Variants in PTPDC1 observed in about 807,000 individuals in gnomAD.
PTPDC1 encodes the protein protein tyrosine phosphatase domain-containing protein 1.
In PTPDC1, 53 loss-of-function variants were observed where a neutral mutation model predicts 75.3. The ratio of observed to expected loss-of-function variants is 0.70; its 90% CI spans 0.56 to 0.88. The LOEUF (loss-of-function observed/expected upper bound fraction) is 0.88, where lower values mean the gene tolerates loss of function less well. Among genes scored for constraint, PTPDC1 ranks in the 40% least tolerant of loss-of-function variants. The pLI, the probability that PTPDC1 is intolerant of heterozygous loss-of-function variation, is 0.00. For missense variants in PTPDC1, 925 were observed against 998.6 expected (o/e 0.93, Z 0.99); for synonymous variants, 349 against 366.2 (o/e 0.95, Z 0.54).
intron 1 of PTPDC1, among the ~76,000 whole-genome samples, chr9:94,036,728 C>G (rs938592972): frequency 1.3e-5 from 2 of 152,272 alleles, no homozygotes; most frequent in Middle Eastern, 3.4e-3. Flanking sequence ...TGGCTGGATG[C>G]TGCAGTGCAC....
intron 7 of PTPDC1, 133 bp downstream of exon 7, chr9:94,101,884 CAAGAG>C: frequency 1.8e-6 from 1 of 558,264 alleles, no homozygotes; most frequent in Non-Finnish European, 3.1e-6. Flanking sequence ...ATAGTTTTTC[CAAGAG>C]AAGAGAAGAA....
intron 1 of PTPDC1, among the ~76,000 whole-genome samples, chr9:94,043,696 G>A (rs541419241): frequency 1.3e-5 from 2 of 152,270 alleles, no homozygotes; most frequent in African/African-American, 4.8e-5. Flanking sequence ...ACACCAGCCT[G>A]GGTGACAGAG....
chr9:94,037,609 A>G (rs577067907), intron 1 of PTPDC1, among the ~76,000 whole-genome samples: 6 of 151,882 alleles, frequency 4.0e-5, no homozygotes, highest in Admixed American at 1.3e-4. Context: ...TTTTTTTTCT[A>G]GAACAGGGAC....
At chr9:94,078,351 A>G (rs1036931912) in intron 2 of PTPDC1, among the ~76,000 whole-genome samples, 5 of 152,182 alleles carry the variant, frequency 3.3e-5, no homozygotes, top group Non-Finnish European at 7.3e-5. Context: ...TCTGGTCTCC[A>G]TGGTTTCTGA....
chr9:94,084,584 C>T lies in PTPDC1; in HGVS notation c.54C>T (p.Ser18=). ...CCTCAGCCGTGCGCTTCCTCAGCTC[C>T]TTTCTCCAGGGCCGCCGGCACTCCA... ...RRPSAVRFLS[S]FLQGRRHSTS... The change falls in exon 1 of 9, where the codon TCC becomes TCT. Residue 18 remains serine, a synonymous_variant. Coordinates refer to ENST00000620992, the MANE Select transcript of PTPDC1 (RefSeq NM_001253829.2). 6.2e-7 allele frequency: 1 copy of T among 1,613,810 alleles called. No individual in the cohort carries two copies. The highest frequency in any genetic ancestry group is 8.5e-7 in the Non-Finnish European group (1 of 1,180,002).
At chr9:94,079,190 ATGGACTAGTCTTTTTT>A (rs1224457709) in intron 2 of PTPDC1, among the ~76,000 whole-genome samples, 3 of 152,136 alleles carry the variant, frequency 2.0e-5, no homozygotes, top group African/African-American at 7.2e-5. Context: ...CATCTTAGTG[ATGGACTAGTCTTTTTT>A]TCTTCATAGT....
chr9:94,091,576 A>G (rs1348460318), intron 4 of PTPDC1, among the ~76,000 whole-genome samples: 1 of 152,146 alleles, frequency 6.6e-6, no homozygotes, highest in Non-Finnish European at 1.5e-5. Flanking sequence ...TGGCTTTGGT[A>G]TCAGAATGAT....
rs375711001 is a variant in PTPDC1 at position 94,106,984 on chromosome 9, C to T, written c.2311-844C>T. ...TTGTTTGTTTTTTGAGACAAGGTCT[C>T]ACTCTGTCACCCAGTCTGGAGTGCA... On this transcript the variant is annotated intron_variant, in intron 8 of 8. Coordinates refer to ENST00000620992, the MANE Select transcript of PTPDC1 (RefSeq NM_001253829.2). Among the ~76,000 whole-genome samples the T allele has an allele frequency of 3.2e-4, 48 of 152,236 alleles. No homozygotes were observed. In the East Asian group the frequency reaches 6.6e-3, roughly 21 times the overall value.
intron 2 of PTPDC1, among the ~76,000 whole-genome samples, chr9:94,070,242 G>T (rs543919584): frequency 6.6e-6 from 1 of 151,970 alleles, no homozygotes; most frequent in African/African-American, 2.4e-5. Flanking sequence ...TTACTCAGCC[G>T]TACTTTTCCT....
intron 1 of PTPDC1, among the ~76,000 whole-genome samples, chr9:94,043,433 A>G (rs1390617131): frequency 1.1e-4 from 17 of 152,158 alleles, no homozygotes; most frequent in Non-Finnish European, 4.4e-5. Context: ...TCAAAGTTTT[A>G]TTTATAATTT....
At chr9:94,052,866 G>A (rs181826525) in intron 1 of PTPDC1, among the ~76,000 whole-genome samples, 170 of 152,194 alleles carry the variant, frequency 1.1e-3, no homozygotes, top group Middle Eastern at 6.8e-3. Context: ...GTTGAGCTTC[G>A]AAGTGTCTTT....
chr9:94,061,405 CA>C (rs1198453879), intron 1 of PTPDC1, among the ~76,000 whole-genome samples: 1 of 152,212 alleles, frequency 6.6e-6, no homozygotes, highest in African/African-American at 2.4e-5. Context: ...GTCTGGAAGA[CA>C]GTGGCCTTCT....
rs560893417 is a variant in PTPDC1, at chr9:94,063,485, A to G, written c.-6-1249A>G. 2.0e-5 allele frequency among the ~76,000 whole-genome samples: 3 copies of G among 152,338 alleles called. No homozygotes were observed. The East Asian group carries it at 5.8e-4, about 29-fold the overall frequency. Reference sequence around the variant, plus strand: ...ATTATAAAATTTTGCATTAATTAGTATGATACCTGGTGTGTGACATTATTA... The same window carrying G: ...ATTATAAAATTTTGCATTAATTAGTGTGATACCTGGTGTGTGACATTATTA... On this transcript the variant is annotated intron_variant, in intron 1 of 9. Transcript: ENST00000375360.
intron 4 of PTPDC1, among the ~76,000 whole-genome samples, chr9:94,090,777 C>T (rs1827285988): frequency 7.8e-6 from 1 of 127,612 alleles, no homozygotes; most frequent in Non-Finnish European, 1.6e-5. Context: ...TTGTAGTTCT[C>T]CTTGAAGAGG....
chr9:94,049,204 AT>A (rs1348862383), intron 1 of PTPDC1, among the ~76,000 whole-genome samples: 2 of 152,154 alleles, frequency 1.3e-5, no homozygotes, highest in Non-Finnish European at 2.9e-5. Flanking sequence ...GCCCATTTAC[AT>A]TTAAGGTTAA....
intron 2 of PTPDC1, among the ~76,000 whole-genome samples, chr9:94,087,621 CATTTT>C (rs1827123021): frequency 6.6e-6 from 1 of 152,166 alleles, no homozygotes; most frequent in African/African-American, 2.4e-5. Flanking sequence ...TGAGAGCAAA[CATTTT>C]AGTGCATACC....
rs1828082010 is a variant in PTPDC1 at position 94,107,990 on chromosome 9, T to A, written c.*46T>A. The A allele has an allele frequency of 1.7e-6, 2 of 1,150,180 alleles. No homozygotes were observed. Among genetic ancestry groups the A allele is most frequent in the African/African-American group, 3.1e-5 (2 of 63,542 alleles). The allele number at this position is 1,150,180 out of a possible 1,614,324, so 71.2% of individuals were successfully genotyped here. On this transcript the variant is annotated 3_prime_UTR_variant, in exon 9 of 9. Transcript: ENST00000620992. ...TTCAGACCTAAAGATCCAGATAGTA[T>A]CTCTGTTCATATGTGAATAAGTTGA...
chr9:94,038,659 T>C (rs1425287748), intron 1 of PTPDC1, among the ~76,000 whole-genome samples: 1 of 152,236 alleles, frequency 6.6e-6, no homozygotes, highest in Non-Finnish European at 1.5e-5. Flanking sequence ...TACTGGAGTT[T>C]GGTTTTATAT....
At position 94,084,627 on chromosome 9, in the gene PTPDC1, C is replaced by A. The variant is rs1194493547; in HGVS notation, c.97C>A (p.Arg33=). ...GCACTCCACCTCAGACCCAGTACTGCGGCTGCAGCAGGCCCGGCGGGGCTC... is the reference window on the plus strand; with the variant it reads ...GCACTCCACCTCAGACCCAGTACTGAGGCTGCAGCAGGCCCGGCGGGGCTC... The part of the protein sequence containing the change: ...RRHSTSDPVL[R]LQQARRGSGL... Residue 33 remains arginine (R), a synonymous_variant, in exon 1 of 9, where the codon CGG becomes AGG. Transcript: ENST00000620992. 15 of 1,613,160 alleles carry A rather than the reference C, an allele frequency of 9.3e-6. No homozygotes were observed. Among genetic ancestry groups the A allele is most frequent in the African/African-American group, 1.3e-5 (1 of 74,888 alleles).
Sources: gnomAD v4.1 joint callset for allele counts (sites outside exome capture counted in the v4.1 genomes callset) on GRCh38, gnomAD v4.1.1 for gene constraint, MANE v1.5 for transcripts, NCBI Gene and HGNC (gene_info 2026-07-23, HGNC 2026-07-21) for gene names.